The following NRXN1 variants were observed in gnomAD, a reference collection of about 807,000 sequenced individuals.
The protein encoded by NRXN1 is neurexin-1.
A neutral mutation model predicts 150.9 loss-of-function variants in NRXN1; 39 were observed. The observed-to-expected ratio is 0.26, with a 90% confidence interval of 0.20 to 0.34. The LOEUF is 0.34. Among genes scored for constraint, NRXN1 ranks in the 10% least tolerant of loss-of-function variants. The pLI is 1.00. For missense variants in NRXN1, 1,815 were observed against 1,949.9 expected (o/e 0.93, Z 1.30); for synonymous variants, 924 against 757.0 (o/e 1.22, Z -3.62).
chr2:50,153,919 C>CA (rs1380875350), intron 18 of NRXN1, among the ~76,000 whole-genome samples: 2 of 151,716 alleles, frequency 1.3e-5, no homozygotes, highest in East Asian at 3.9e-4. Context: ...ATTTGTCCAT[C>CA]ATGGCTTCTA....
chr2:50,239,246 G>A (rs1020507772), intron 17 of NRXN1, among the ~76,000 whole-genome samples: 1 of 151,820 alleles, frequency 6.6e-6, no homozygotes, highest in Non-Finnish European at 1.5e-5. Context: ...GGCTTTAAAA[G>A]GAGGATGTAG....
At chr2:50,192,707 A>G (rs910815056) in intron 18 of NRXN1, among the ~76,000 whole-genome samples, 2 of 152,082 alleles carry the variant, frequency 1.3e-5, no homozygotes, top group African/African-American at 4.8e-5. Flanking sequence ...CCCAGGTTCA[A>G]ATGATTCTTG....
At chr2:50,553,065 T>G (rs201838572) in intron 8 of NRXN1, 40 bp from the exon 9 acceptor site, 36 of 1,402,384 alleles carry the variant, frequency 2.6e-5, no homozygotes, top group Admixed American at 4.1e-5. Context: ...AGCCTCCATA[T>G]TTTAATATCT....
intron 17 of NRXN1, among the ~76,000 whole-genome samples, chr2:50,457,637 A>G (rs2087707792): frequency 6.6e-6 from 1 of 152,150 alleles, no homozygotes. Context: ...CAAATAATTG[A>G]ATTTTTAAAA....
chr2:50,167,380 G>T (rs1382564544), intron 18 of NRXN1, among the ~76,000 whole-genome samples: 8 of 151,950 alleles, frequency 5.3e-5, no homozygotes, highest in Admixed American at 2.6e-4. Context: ...AAAAGTAAAG[G>T]CCATTTCATC....
intron 12 of NRXN1, 145 bp from the exon 13 acceptor site, chr2:50,506,762 G>C: frequency 6.3e-6 from 5 of 796,502 alleles, no homozygotes; most frequent in Non-Finnish European, 7.6e-6. Context: ...AGAGAGGAGG[G>C]AGAGAAAGGA....
chr2:50,324,483 AGT>A (rs1168655591), intron 17 of NRXN1, among the ~76,000 whole-genome samples: 1 of 152,234 alleles, frequency 6.6e-6, no homozygotes, highest in Non-Finnish European at 1.5e-5. Context: ...GAATCCTAGC[AGT>A]GTGTTCACTT....
At chr2:50,683,646 A>AAAAAAAAAAAAAAAATATATATATATAT in intron 5 of NRXN1, among the ~76,000 whole-genome samples, 7 of 14,894 alleles carry the variant, frequency 4.7e-4, no homozygotes, top group Admixed American at 1.1e-3. Context: ...AAAAAAAAAA[A>AAAAAAAAAAAAAAAATATATATATATAT]ATATATATAT....
At chr2:51,003,476 A>G (rs1256030670) in intron 2 of NRXN1, among the ~76,000 whole-genome samples, 3 of 152,026 alleles carry the variant, frequency 2.0e-5, no homozygotes, top group Non-Finnish European at 2.9e-5. Flanking sequence ...TCCAAAAATT[A>G]ATATCACATT....
chr2:50,728,841 G>A (rs1186192092), intron 5 of NRXN1, among the ~76,000 whole-genome samples: 3 of 152,132 alleles, frequency 2.0e-5, no homozygotes, highest in Non-Finnish European at 4.4e-5. Context: ...TTTTAGAAAA[G>A]TCATCTCAGG....
intron 21 of NRXN1, among the ~76,000 whole-genome samples, chr2:50,027,759 G>T (rs1376259911): frequency 6.6e-6 from 1 of 152,144 alleles, no homozygotes; most frequent in South Asian, 2.1e-4. Context: ...GCAGGGCCCT[G>T]CATATTGTAG....
chr2:50,017,068 T>G (rs1686760964), intron 21 of NRXN1, among the ~76,000 whole-genome samples: 2 of 152,172 alleles, frequency 1.3e-5, no homozygotes, highest in African/African-American at 4.8e-5. Flanking sequence ...TCACAGACTT[T>G]CAGGAATAAT....
intron 5 of NRXN1, among the ~76,000 whole-genome samples, chr2:50,750,744 A>G (rs913418105): frequency 6.6e-6 from 1 of 152,072 alleles, no homozygotes; most frequent in African/African-American, 2.4e-5. Context: ...TGACACAAGC[A>G]TTACTAGCCG....
chr2:50,564,374 T>C (rs927476550), intron 8 of NRXN1, among the ~76,000 whole-genome samples: 1 of 152,162 alleles, frequency 6.6e-6, no homozygotes, highest in African/African-American at 2.4e-5. Context: ...TGACTACTAT[T>C]GAAAGCAAAG....
intron 18 of NRXN1, among the ~76,000 whole-genome samples, chr2:50,157,602 G>A (rs527269764): frequency 4.5e-4 from 69 of 152,014 alleles, no homozygotes; most frequent in Middle Eastern, 3.4e-3. Flanking sequence ...TTGTTTCAAG[G>A]TACGAACATG....
intron 5 of NRXN1, among the ~76,000 whole-genome samples, chr2:50,635,312 C>T (rs1441438963): frequency 1.3e-5 from 2 of 150,990 alleles, no homozygotes; most frequent in Admixed American, 1.3e-4. Flanking sequence ...TGCCCGCCAC[C>T]ATGCCTAGCT....
chr2:50,140,888 A>G (rs946971011), intron 18 of NRXN1, among the ~76,000 whole-genome samples: 9 of 152,004 alleles, frequency 5.9e-5, no homozygotes, highest in African/African-American at 1.9e-4. Flanking sequence ...CTGCATATAT[A>G]TGTGTTCGTG....
rs1216671558 is a variant in NRXN1 at position 50,666,908 on chromosome 2, G to A, written c.833-43293C>T. Among the ~76,000 whole-genome samples the A allele has an allele frequency of 7.6e-5, 10 of 131,020 alleles. No individual in the cohort carries two copies. In the South Asian group the frequency reaches 2.0e-3, roughly 27 times the overall value. 86.0% of individuals were successfully genotyped at this position (131,020 alleles called of 152,430 possible). A position where few individuals can be genotyped will look rare whatever the true frequency, so the allele number is the denominator to read the frequency against. On this transcript the variant is annotated intron_variant, in intron 5 of 22. Transcript: ENST00000401669. ...GTGTGTGTGTGTGTGTGTGTGTGTGGTGAAGCTCATTTAAAAAACTTTATT... is the reference window on the plus strand; with the variant it reads ...GTGTGTGTGTGTGTGTGTGTGTGTGATGAAGCTCATTTAAAAAACTTTATT...
In NRXN1 at chr2:50,236,959, A is replaced by G; in HGVS notation, c.3376T>C (p.Tyr1126His). ...TGTCCACCACCTTTGCTAAAGATAT[A>G]TGTCGTCCCAGCTGGAAAACAAAAA... is the stretch of plus-strand genomic sequence containing the variant. ...GPLCNDPGTT[Y>H]IFSKGGGQIT... The change falls in exon 18 of 23, where the codon TAT becomes CAT. Residue 1126 changes from tyrosine (Y) to histidine (H), a missense_variant. By Grantham distance (83) the Tyr-to-His change is moderately conservative (BLOSUM62 2). Around this residue, in one of 6 missense-constraint regions of NRXN1, gnomAD observed 339 missense variants for 440.3 expected, o/e 0.77. Transcript: ENST00000401669. 6.2e-7 allele frequency: 1 copy of G among 1,613,116 alleles called. No homozygotes were observed. The highest frequency in any genetic ancestry group is 8.5e-7 in the Non-Finnish European group (1 of 1,179,432).
Sources: allele counts gnomAD v4.1 joint callset (sites outside exome capture counted in the v4.1 genomes callset), GRCh38; gene constraint gnomAD v4.1.1; regional missense constraint gnomAD v4.1.1; transcripts MANE v1.5; gene names NCBI Gene and HGNC (gene_info 2026-07-23, HGNC 2026-07-21).